The following ATRN variants were observed in gnomAD, a reference collection of about 807,000 sequenced individuals.
ATRN encodes attractin-2.
Under a neutral mutation model 178.7 loss-of-function variants are expected in ATRN, and 54 were observed. The ratio of observed to expected loss-of-function variants is 0.30; its 90% CI spans 0.24 to 0.38. ATRN has a LOEUF of 0.38. Ranked by LOEUF, ATRN falls within the 10% of genes least tolerant of loss-of-function variation. The pLI is 1.00. For synonymous variants in ATRN, 636 were observed against 663.0 expected (o/e 0.96, Z 0.63); for missense variants, 1,443 against 1,815.1 (o/e 0.79, Z 3.73).
At chr20:3,541,076 A>ATTTTTTTTTT (rs1331876349) in intron 3 of ATRN, among the ~76,000 whole-genome samples, 2,906 of 118,718 alleles carry the variant, frequency 0.024, 59 homozygotes, top group Non-Finnish European at 0.041. Flanking sequence ...ATGATAGAGG[A>ATTTTTTTTTT]TTTTTTTTTT....
intron 11 of ATRN, among the ~76,000 whole-genome samples, chr20:3,570,246 C>T (rs950177993): frequency 1.3e-5 from 2 of 151,966 alleles, no homozygotes; most frequent in African/African-American, 2.4e-5. Flanking sequence ...TGTAGGGACC[C>T]CATCCATCAT....
intron 9 of ATRN, 77 bp downstream of exon 9, chr20:3,562,536 C>G (rs963831090): frequency 1.0e-5 from 15 of 1,477,324 alleles, no homozygotes; most frequent in Non-Finnish European, 1.4e-5. Flanking sequence ...ATTGTGCTAT[C>G]TTTTTGTTTT....
chr20:3,646,622 T>C (rs2087109695), intron 28 of ATRN, 101 bp from the exon 29 acceptor site: 2 of 1,424,686 alleles, frequency 1.4e-6, no homozygotes, highest in Non-Finnish European at 1.9e-6. Context: ...GGTTTGTTTG[T>C]TTTGCACCAT....
intron 6 of ATRN, among the ~76,000 whole-genome samples, chr20:3,557,490 C>G (rs188502204): frequency 5.5e-4 from 83 of 152,290 alleles, no homozygotes; most frequent in African/African-American, 2.0e-3. Flanking sequence ...CAGATATTCT[C>G]AAACAAGAGT....
intron 1 of ATRN, among the ~76,000 whole-genome samples, chr20:3,486,996 A>G (rs2084703790): frequency 6.6e-6 from 1 of 152,030 alleles, no homozygotes. Context: ...TCTACTTCTC[A>G]TAATTTTTAT....
chr20:3,583,338 T>TAAAAG (rs2086306892), intron 16 of ATRN, among the ~76,000 whole-genome samples: 1 of 152,232 alleles, frequency 6.6e-6, no homozygotes, highest in Non-Finnish European at 1.5e-5. Context: ...AGCCCTACTT[T>TAAAAG]TATGGAAAGA....
At chr20:3,551,429 C>A (rs868080500) in intron 6 of ATRN, among the ~76,000 whole-genome samples, 3 of 152,144 alleles carry the variant, frequency 2.0e-5, no homozygotes, top group African/African-American at 7.2e-5. Context: ...CTGAGACCAC[C>A]TTTTTACTTA....
intron 1 of ATRN, chr20:3,490,665 C>A (rs2084778955): frequency 1.2e-6 from 1 of 843,742 alleles, no homozygotes; most frequent in African/African-American, 1.7e-5. Context: ...CACTTGGATT[C>A]TCTGAGCCTT....
In ATRN at chr20:3,584,630, C is replaced by A. The variant is rs780997343; in HGVS notation, c.2951-17C>A. The A allele has an allele frequency of 1.7e-5, 20 of 1,186,524 alleles. No individual in the cohort carries two copies. Among genetic ancestry groups the A allele is most frequent in the Non-Finnish European group, 2.2e-5 (19 of 855,578 alleles). 73.5% of individuals were successfully genotyped at this position (1,186,524 alleles called of 1,614,324 possible). A position where few individuals can be genotyped will look rare whatever the true frequency, so the allele number is the denominator to read the frequency against. ...ATCTACCTGTGATAGTCAATTGCAA[C>A]TTTTTTTTTTTAATAGCTGAAAATT... On this transcript the variant is annotated splice_polypyrimidine_tract_variant and intron_variant, in intron 17 of 28. Coordinates refer to ENST00000262919, the MANE Select transcript of ATRN (RefSeq NM_139321.3).
chr20:3,584,982 C>A, intron 18 of ATRN, 102 bp downstream of exon 18: 3 of 1,106,412 alleles, frequency 2.7e-6, no homozygotes, highest in Non-Finnish European at 4.0e-6. Flanking sequence ...CTGCCCTCAG[C>A]CCCTTTCCTT....
rs2146223663 is a variant in ATRN at position 3,562,276 on chromosome 20, A to G, written c.1448A>G (p.Asp483Gly). ...YISNVQEYDL[D>G]KNTWSILHTQ... ...GCCTTTAACTGTCTTTCCTTTCCAG[A>G]TAAGAACACATGGAGTATATTACAC... The change falls in exon 9 of 29, where the codon GAT becomes GGT. Residue 483 changes from aspartate to glycine, a missense_variant and splice_region_variant. Asp to Gly is a moderately conservative substitution (Grantham distance 94). This residue lies in a region of ATRN where 862 missense variants were observed against 972.1 expected (regional missense o/e 0.89). Transcript: ENST00000262919. The G allele has an allele frequency of 1.9e-6, 3 of 1,610,452 alleles. No individual in the cohort carries two copies. The highest frequency in any genetic ancestry group is 2.5e-6 in the Non-Finnish European group (3 of 1,178,036).
At chr20:3,589,865 G>A (rs1285508248) in intron 18 of ATRN, among the ~76,000 whole-genome samples, 1 of 152,208 alleles carries the variant, frequency 6.6e-6, no homozygotes, top group Non-Finnish European at 1.5e-5. Flanking sequence ...TCATGGGTGT[G>A]GCAAGTGCCT....
Position 3,540,207 on chromosome 20 carries a change from T to C in ATRN, c.495-15T>C, listed in dbSNP as rs777047312. On this transcript the variant is annotated splice_polypyrimidine_tract_variant and intron_variant, in intron 2 of 28. Transcript: ENST00000262919. ...TGATAACTTTATTATAAATTACTTT[T>C]TTTATTCTTTTCAGGCCAAATAGAA... The C allele has an allele frequency of 3.4e-6, 5 of 1,459,210 alleles. No individual in the cohort carries two copies. The highest frequency in any genetic ancestry group is 1.8e-4 in the Middle Eastern group (1 of 5,622). The allele number at this position is 1,459,210 out of a possible 1,614,324, so 90.4% of individuals were successfully genotyped here. A position where few individuals can be genotyped will look rare whatever the true frequency, so the allele number is the denominator to read the frequency against.
At chr20:3,513,322 C>T (rs933878759) in intron 1 of ATRN, among the ~76,000 whole-genome samples, 7 of 152,216 alleles carry the variant, frequency 4.6e-5, no homozygotes, top group Non-Finnish European at 1.5e-5. Context: ...CAGCTTTCTA[C>T]ATATGGCTAG....
chr20:3,563,669 C>T (rs770548655), intron 10 of ATRN, among the ~76,000 whole-genome samples: 10 of 152,096 alleles, frequency 6.6e-5, no homozygotes, highest in Non-Finnish European at 7.4e-5. Flanking sequence ...TTGCAACCAC[C>T]AGCATTGTGT....
At chr20:3,506,283 TTC>T (rs1219641005) in intron 1 of ATRN, among the ~76,000 whole-genome samples, 1 of 152,136 alleles carries the variant, frequency 6.6e-6, no homozygotes, top group African/African-American at 2.4e-5. Context: ...CAATTAAAAT[TTC>T]AGTTATTTAA....
chr20:3,565,552 G>T, intron 11 of ATRN, 120 bp downstream of exon 11: 1 of 768,008 alleles, frequency 1.3e-6, no homozygotes. Flanking sequence ...TGGAATACGA[G>T]GTCAGGAGAT....
In ATRN at chr20:3,638,532, T is replaced by C. The variant is rs987810557; in HGVS notation, c.3943-296T>C. On this transcript the variant is annotated intron_variant, in intron 26 of 28. Transcript: ENST00000262919. This position sits in a 1 kb window ranked among gnomAD's most constrained non-coding sequence, Gnocchi z 4.5. ...ATGTTTTCTTTATCCAGTCTATCAT[T>C]GATGGGCATTTGGGTTGGTTCTAAG... 7.2e-5 allele frequency among the ~76,000 whole-genome samples: 11 copies of C among 152,236 alleles called. No homozygotes were observed. The highest frequency in any genetic ancestry group is 4.1e-4 in the South Asian group (2 of 4,834).
Position 3,557,108 on chromosome 20 carries a change from A to C in ATRN, c.1113-2285A>C, listed in dbSNP as rs551238921. On this transcript the variant is annotated intron_variant, in intron 6 of 28. Transcript: ENST00000262919. ...GGAAGCTATATGAGTCCTTCTCAGG[A>C]AACACCTTTCATAGCCAGAATTCCA... Among the ~76,000 whole-genome samples the C allele has an allele frequency of 1.1e-4, 17 of 152,382 alleles. No individual in the cohort carries two copies. In the East Asian group the frequency reaches 3.1e-3, roughly 28 times the overall value.
Sources: gnomAD v4.1 joint callset for allele counts (sites outside exome capture counted in the v4.1 genomes callset) on GRCh38, gnomAD v4.1.1 for gene constraint, gnomAD v4.1.1 regional missense constraint, Gnocchi (gnomAD v3.1) non-coding constraint, MANE v1.5 for transcripts, NCBI Gene and HGNC (gene_info 2026-07-23, HGNC 2026-07-21) for gene names.